The following ZNRF1 variants were observed in gnomAD, a reference collection of about 807,000 sequenced individuals.
ZNRF1 encodes the protein E3 ubiquitin-protein ligase ZNRF1.
In ZNRF1, 3 loss-of-function variants were observed where a neutral mutation model predicts 18.4. The ratio of observed to expected loss-of-function variants is 0.16; its 90% CI spans 0.07 to 0.42. The LOEUF (loss-of-function observed/expected upper bound fraction) is 0.42, where lower values mean the gene tolerates loss of function less well. Ranked by LOEUF, ZNRF1 falls within the 10% of genes least tolerant of loss-of-function variation. The pLI, the probability that ZNRF1 is intolerant of heterozygous loss-of-function variation, is 0.99. For missense variants in ZNRF1, 310 were observed against 329.8 expected, an observed-to-expected ratio of 0.94 and a Z score of 0.47; for synonymous variants, 157 against 144.2, an observed-to-expected ratio of 1.09 and a Z score of -0.64.
chr16:75,032,179 A>G (rs955076553), intron 1 of ZNRF1, among the ~76,000 whole-genome samples: 1 of 137,284 alleles, frequency 7.3e-6, no homozygotes, highest in Non-Finnish European at 1.5e-5. Context: ...GTACGGTCTC[A>G]GCTTACTACA....
intron 1 of ZNRF1, among the ~76,000 whole-genome samples, chr16:75,048,724 A>G (rs946777615): frequency 3.9e-5 from 6 of 152,262 alleles, no homozygotes; most frequent in South Asian, 2.1e-4. Context: ...GCATCCTATC[A>G]GGAAGCTCAT....
intron 1 of ZNRF1, among the ~76,000 whole-genome samples, chr16:75,001,455 A>G (rs1567461441): frequency 6.6e-6 from 1 of 152,236 alleles, no homozygotes; most frequent in Non-Finnish European, 1.5e-5. Flanking sequence ...ACCTCCGGAT[A>G]TCATTGGAGC....
At chr16:75,015,062 A>C (rs925013812) in intron 1 of ZNRF1, among the ~76,000 whole-genome samples, 3 of 152,070 alleles carry the variant, frequency 2.0e-5, no homozygotes, top group Non-Finnish European at 4.4e-5. Flanking sequence ...CTTTGTTGTC[A>C]TATGTAATGT....
At chr16:75,101,526 T>C (rs2036255560) in intron 2 of ZNRF1, among the ~76,000 whole-genome samples, 1 of 151,846 alleles carries the variant, frequency 6.6e-6, no homozygotes, top group African/African-American at 2.4e-5. Context: ...ATCCTGGCGA[T>C]AGAGCGAGAC....
At chr16:75,021,025 A>T (rs751661398) in intron 1 of ZNRF1, among the ~76,000 whole-genome samples, 1 of 152,030 alleles carries the variant, frequency 6.6e-6, no homozygotes, top group African/African-American at 2.4e-5. Context: ...CGGTATTACA[A>T]TTCTACCTTG....
At chr16:75,099,078 GTGT>G (rs1444040831) in intron 2 of ZNRF1, among the ~76,000 whole-genome samples, 2 of 152,200 alleles carry the variant, frequency 1.3e-5, no homozygotes, top group African/African-American at 4.8e-5. Context: ...GAGACGGGTG[GTGT>G]TTTCCAGCCC....
rs183825228 is a variant in ZNRF1, at chr16:75,100,940, T to G, written c.521-3844T>G. 2.5e-3 allele frequency among the ~76,000 whole-genome samples: 382 copies of G among 152,314 alleles called. 7 individuals are homozygous for G. The highest frequency in any genetic ancestry group is 3.5e-3 in the Non-Finnish European group (240 of 68,024). The stretch of plus-strand genomic sequence containing the variant: ...AAATGTCAAACACACAGCAAAGTTT[T>G]TATGTTTTTTTGAGACAGAGTCTCG... On this transcript the variant is annotated intron_variant, in intron 2 of 4. Coordinates refer to ENST00000335325, the MANE Select transcript of ZNRF1 (RefSeq NM_032268.5).
At chr16:75,083,798 G>C (rs2036042657) in intron 1 of ZNRF1, among the ~76,000 whole-genome samples, 1 of 152,120 alleles carries the variant, frequency 6.6e-6, no homozygotes, top group Admixed American at 6.5e-5. Context: ...GCACAGAGAA[G>C]TTATGGAGAA....
chr16:75,061,017 A>AT (rs1299738311), intron 1 of ZNRF1, among the ~76,000 whole-genome samples: 1 of 152,156 alleles, frequency 6.6e-6, no homozygotes, highest in African/African-American at 2.4e-5. Context: ...ATAGTAATAC[A>AT]TTTTTTGTGG....
intron 1 of ZNRF1, among the ~76,000 whole-genome samples, chr16:75,003,102 C>T (rs1310948699): frequency 2.0e-5 from 3 of 152,036 alleles, no homozygotes; most frequent in South Asian, 2.1e-4. Context: ...TACTGGCATG[C>T]GCCACCATGC....
chr16:75,068,924 G>C (rs2035835962), intron 1 of ZNRF1, among the ~76,000 whole-genome samples: 2 of 150,944 alleles, frequency 1.3e-5, no homozygotes, highest in African/African-American at 4.9e-5. Flanking sequence ...TCCTCACTCA[G>C]TTATTTTGGG....
At position 75,093,819 on chromosome 16, in the gene ZNRF1, G is replaced by A. The variant is rs147911870; in HGVS notation, c.520+152G>A. ...CTCAGTGGTGGTGAGGAAGTGGACT[G>A]TTCTGGGAGCCTTGCTGCTCAGGTC... On this transcript the variant is annotated intron_variant, in intron 2 of 4. Transcript: ENST00000335325. 1.6e-3 allele frequency: 993 copies of A among 615,536 alleles called. 6 individuals carry two copies. The highest frequency in any genetic ancestry group is 4.3e-3 in the Admixed American group (156 of 36,452). The allele number at this position is 615,536 out of a possible 1,614,324, so 38.1% of individuals were successfully genotyped here.
intron 1 of ZNRF1, among the ~76,000 whole-genome samples, chr16:75,050,173 A>C (rs893650678): frequency 2.6e-5 from 4 of 152,160 alleles, no homozygotes; most frequent in Non-Finnish European, 5.9e-5. Flanking sequence ...TTTTATTGCT[A>C]AGTAGTAGTC....
intron 1 of ZNRF1, among the ~76,000 whole-genome samples, chr16:75,075,334 T>G (rs749813456): frequency 6.6e-6 from 1 of 152,258 alleles, no homozygotes; most frequent in Non-Finnish European, 1.5e-5. Flanking sequence ...TCTGTGCACA[T>G]GCACACATGA....
At chr16:75,075,215 C>CT (rs2035924110) in intron 1 of ZNRF1, among the ~76,000 whole-genome samples, 1 of 152,218 alleles carries the variant, frequency 6.6e-6, no homozygotes, top group Non-Finnish European at 1.5e-5. Flanking sequence ...GGGGAAAGGG[C>CT]TGACCTTTTT....
chr16:75,075,841 G>A (rs898105846), intron 1 of ZNRF1, among the ~76,000 whole-genome samples: 1 of 152,166 alleles, frequency 6.6e-6, no homozygotes, highest in Non-Finnish European at 1.5e-5. Flanking sequence ...TGGAAAGGAT[G>A]GTTTTAGAGA....
intron 1 of ZNRF1, among the ~76,000 whole-genome samples, chr16:75,079,421 G>T (rs775062691): frequency 2.0e-5 from 3 of 152,156 alleles, no homozygotes; most frequent in Non-Finnish European, 4.4e-5. Context: ...CAGAGGTTGC[G>T]GGGAGCCGAG....
intron 1 of ZNRF1, 152 bp downstream of exon 1, chr16:75,000,247 T>C (rs1286033553): frequency 3.6e-6 from 4 of 1,124,864 alleles, no homozygotes; most frequent in Non-Finnish European, 5.2e-6. Flanking sequence ...ATGGGATACC[T>C]ACCGTCTGGA....
At chr16:75,078,230 T>C (rs1211876333) in intron 1 of ZNRF1, among the ~76,000 whole-genome samples, 1 of 151,938 alleles carries the variant, frequency 6.6e-6, no homozygotes. Flanking sequence ...TGAGCCCAGA[T>C]CTCTGTTTTT....
Sources: allele counts gnomAD v4.1 joint callset (sites outside exome capture counted in the v4.1 genomes callset), GRCh38; gene constraint gnomAD v4.1.1; transcripts MANE v1.5; gene names NCBI Gene and HGNC (gene_info 2026-07-23, HGNC 2026-07-21).